NRG3: variants seen among roughly 807,000 people sequenced by gnomAD.
NRG3 encodes the protein pro-neuregulin-3, membrane-bound isoform.
A neutral mutation model predicts 66.9 loss-of-function variants in NRG3; 31 were observed. The observed-to-expected ratio is 0.46, with a 90% confidence interval of 0.35 to 0.63. NRG3 has a LOEUF of 0.63. Ranked by LOEUF, NRG3 falls within the 20% of genes least tolerant of loss-of-function variation. NRG3 has a pLI of 0.00. For missense variants in NRG3, 910 were observed against 878.9 expected (o/e 1.04, Z -0.45); for synonymous variants, 393 against 359.4 (o/e 1.09, Z -1.06).
At position 82,557,175 on chromosome 10, in the gene NRG3, G is replaced by A. The variant is rs372896359; in HGVS notation, c.954-181402G>A. Reference sequence around the variant, plus strand: ...ATACCCATAATGGGATTACTAGTTCGAATGGTAGTTCTGCTTTTAGCTCTT... The same window carrying A: ...ATACCCATAATGGGATTACTAGTTCAAATGGTAGTTCTGCTTTTAGCTCTT... On this transcript the variant is annotated intron_variant, in intron 2 of 8. Coordinates refer to ENST00000372141, the MANE Select transcript of NRG3 (RefSeq NM_001010848.4). 9.2e-5 allele frequency among the ~76,000 whole-genome samples: 14 copies of A among 152,196 alleles called. 1 individual carries two copies. Among genetic ancestry groups the A allele is most frequent in the African/African-American group, 2.6e-4 (11 of 41,532 alleles).
At chr10:82,384,670 A>G (rs562449944) in intron 2 of NRG3, among the ~76,000 whole-genome samples, 14 of 152,202 alleles carry the variant, frequency 9.2e-5, no homozygotes, top group African/African-American at 3.1e-4. Context: ...TTCTTTATAT[A>G]GTCTATCATT....
At chr10:82,325,010 G>C (rs2081789797) in intron 1 of NRG3, among the ~76,000 whole-genome samples, 1 of 152,094 alleles carries the variant, frequency 6.6e-6, no homozygotes, top group South Asian at 2.1e-4. Flanking sequence ...GGTTAAAATA[G>C]CAGATTATAA....
rs1029125137 is a variant in NRG3, at chr10:82,367,507, C to T, written c.953+8639C>T. 4.6e-5 allele frequency among the ~76,000 whole-genome samples: 7 copies of T among 151,794 alleles called. No homozygotes were observed. In the East Asian group the frequency reaches 1.4e-3, roughly 29 times the overall value. On this transcript the variant is annotated intron_variant, in intron 2 of 8. Transcript: ENST00000372141. ...AGAAGATCTCACTATATAATGATGTCTTTAAAATATTTAATTTTAAAAAGA... is the reference window on the plus strand; with the variant it reads ...AGAAGATCTCACTATATAATGATGTTTTTAAAATATTTAATTTTAAAAAGA...
chr10:82,039,711 T>C (rs2207772), intron 1 of NRG3, among the ~76,000 whole-genome samples: 5,756 of 152,186 alleles, frequency 0.038, 371 homozygotes, highest in African/African-American at 0.13. Flanking sequence ...TAGCCTTAAT[T>C]TATGGAGGGA....
At chr10:82,958,924 T>A (rs746631220) in intron 5 of NRG3, 25 bp from the exon 6 acceptor site, 4 of 1,533,176 alleles carry the variant, frequency 2.6e-6, no homozygotes. Context: ...TGCAAATATT[T>A]GTACACGTTT....
chr10:81,929,900 C>G (rs10883935), intron 1 of NRG3, among the ~76,000 whole-genome samples: 1 of 152,000 alleles, frequency 6.6e-6, no homozygotes, highest in Non-Finnish European at 1.5e-5. Context: ...AAAATTTTAT[C>G]TAAATACTAA....
At chr10:82,682,946 ATTTTTT>A (rs71009814) in intron 2 of NRG3, among the ~76,000 whole-genome samples, 2 of 65,354 alleles carry the variant, frequency 3.1e-5, no homozygotes, top group Admixed American at 2.4e-4. Context: ...CCATGTCTTA[ATTTTTT>A]TTTTTTTTTT....
At chr10:82,892,942 A>G (rs1843297531) in intron 4 of NRG3, among the ~76,000 whole-genome samples, 1 of 152,062 alleles carries the variant, frequency 6.6e-6, no homozygotes. Flanking sequence ...ATATAAAGGT[A>G]AAAATATGTG....
At position 82,541,643 on chromosome 10, in the gene NRG3, C is replaced by T. The variant is rs138172011; in HGVS notation, c.953+182775C>T. 4.6e-3 allele frequency among the ~76,000 whole-genome samples: 707 copies of T among 152,318 alleles called. 5 individuals carry two copies. The highest frequency in any genetic ancestry group is 0.016 in the African/African-American group (672 of 41,574). ...AGTTAGGTCAGGGGTCCATCTTTAA[C>T]TACCAGACCCAGGGAGTGGCTCCGG... On this transcript the variant is annotated intron_variant, in intron 2 of 8. Coordinates refer to ENST00000372141, the MANE Select transcript of NRG3 (RefSeq NM_001010848.4).
intron 2 of NRG3, among the ~76,000 whole-genome samples, chr10:82,427,488 T>A (rs2089523571): frequency 6.6e-6 from 1 of 152,200 alleles, no homozygotes; most frequent in Non-Finnish European, 1.5e-5. Flanking sequence ...ATTACATCGA[T>A]TAATTTTTGG....
chr10:82,079,407 A>G (rs1439598578), intron 1 of NRG3, among the ~76,000 whole-genome samples: 1 of 152,166 alleles, frequency 6.6e-6, no homozygotes, highest in Non-Finnish European at 1.5e-5. Flanking sequence ...GATTTCCCAT[A>G]TACCTACTGC....
chr10:82,866,657 G>A (rs978067591), intron 4 of NRG3, among the ~76,000 whole-genome samples: 1 of 152,116 alleles, frequency 6.6e-6, no homozygotes, highest in Admixed American at 6.5e-5. Context: ...GATGGAATGT[G>A]AGATAGTTGT....
At chr10:82,922,536 G>A (rs1846537916) in intron 4 of NRG3, among the ~76,000 whole-genome samples, 1 of 152,100 alleles carries the variant, frequency 6.6e-6, no homozygotes, top group African/African-American at 2.4e-5. Context: ...GTCCTTCTAG[G>A]ACCCACCCTC....
chr10:82,049,564 CTT>C (rs144031347), intron 1 of NRG3, among the ~76,000 whole-genome samples: 7,651 of 152,132 alleles, frequency 0.05, 658 homozygotes, highest in African/African-American at 0.18. Flanking sequence ...TTCCCCAAGA[CTT>C]TATGTTGTTT....
At chr10:82,487,123 GAT>G (rs942627451) in intron 2 of NRG3, among the ~76,000 whole-genome samples, 1 of 147,526 alleles carries the variant, frequency 6.8e-6, no homozygotes, top group African/African-American at 2.5e-5. Flanking sequence ...CTATTATATA[GAT>G]ATATATATAA....
intron 4 of NRG3, among the ~76,000 whole-genome samples, chr10:82,872,122 G>T (rs1841396301): frequency 6.6e-6 from 1 of 152,010 alleles, no homozygotes; most frequent in East Asian, 1.9e-4. Context: ...ACCATAAATG[G>T]GTGTTGGATT....
chr10:82,581,140 A>G (rs181892194), intron 2 of NRG3, among the ~76,000 whole-genome samples: 9 of 151,990 alleles, frequency 5.9e-5, no homozygotes, highest in Admixed American at 5.3e-4. Context: ...TGATCATCTA[A>G]TAAGTGTATA....
intron 3 of NRG3, chr10:82,859,265 A>T (rs1189609177): frequency 6.6e-6 from 1 of 152,154 alleles, no homozygotes; most frequent in Non-Finnish European, 1.5e-5. Context: ...AACTTTTTAA[A>T]ACACAGATCA....
intron 3 of NRG3, among the ~76,000 whole-genome samples, chr10:82,770,967 G>T (rs924110481): frequency 6.6e-6 from 1 of 152,188 alleles, no homozygotes; most frequent in Non-Finnish European, 1.5e-5. Flanking sequence ...TGAACTCCCT[G>T]AGAGTTGGTT....
Sources: gnomAD v4.1 joint callset for allele counts (sites outside exome capture counted in the v4.1 genomes callset) on GRCh38, gnomAD v4.1.1 for gene constraint, MANE v1.5 for transcripts, NCBI Gene and HGNC (gene_info 2026-07-23, HGNC 2026-07-21) for gene names.